Variants in PAK3 observed in about 807,000 individuals in gnomAD.
The protein encoded by PAK3 is p21 (RAC1) activated kinase 3.
A neutral mutation model predicts 41.0 loss-of-function variants in PAK3; 4 were observed. The observed-to-expected ratio is 0.10, with a 90% confidence interval of 0.05 to 0.22. The LOEUF (loss-of-function observed/expected upper bound fraction) is 0.22. PAK3 is among the 10% of genes least tolerant of loss of function. The pLI is 1.00. For missense variants in PAK3, 205 were observed against 409.9 expected (o/e 0.50, Z 4.32); for synonymous variants, 146 against 139.6 (o/e 1.05, Z -0.32).
intron 1 of PAK3, among the ~76,000 whole-genome samples, chrX:111,034,815 T>C (rs1243972015): frequency 9.0e-6 from 1 of 110,995 alleles, no homozygotes; most frequent in Non-Finnish European, 1.9e-5. Flanking sequence ...TTAATAGAAA[T>C]GGTGGCTGGG....
chrX:111,145,621 G>A (rs762334196), intron 6 of PAK3, among the ~76,000 whole-genome samples: 26 of 111,765 alleles, frequency 2.3e-4, no homozygotes, highest in Non-Finnish European at 1.7e-4. Flanking sequence ...ATCTAGCTGC[G>A]TGAAAAATGC....
intron 11 of PAK3, among the ~76,000 whole-genome samples, chrX:111,187,827 T>C (rs767313747): frequency 1.3e-4 from 14 of 109,845 alleles, no homozygotes; most frequent in Non-Finnish European, 2.5e-4. Flanking sequence ...CAATAACTTA[T>C]TGGTCAGAGC....
intron 1 of PAK3, among the ~76,000 whole-genome samples, chrX:111,028,771 T>C (rs1173066184): frequency 8.9e-6 from 1 of 111,886 alleles, no homozygotes; most frequent in Non-Finnish European, 1.9e-5. Context: ...ACTGTTATTA[T>C]CCCCAATATA....
At chrX:111,074,435 G>A (rs1335973209) in intron 1 of PAK3, among the ~76,000 whole-genome samples, 1 of 111,540 alleles carries the variant, frequency 9.0e-6, no homozygotes, top group East Asian at 2.8e-4. Context: ...CTTGCCATGT[G>A]TCATGCATGT....
At chrX:110,978,938 G>A (rs1435699160) in intron 1 of PAK3, among the ~76,000 whole-genome samples, 1 of 111,476 alleles carries the variant, frequency 9.0e-6, no homozygotes, top group Non-Finnish European at 1.9e-5. Context: ...ATTCCTCAGT[G>A]AAAACTTCTG....
Position 111,162,976 on chromosome X carries a change from A to T in PAK3, c.530A>T (p.Glu177Val). ...CCTGTGTCTGAAGAAGAAGATGAAGAGGAAGAAGAAGAAGAAGATGAAAAT... is the reference window on the plus strand; with the variant it reads ...CCTGTGTCTGAAGAAGAAGATGAAGTGGAAGAAGAAGAAGAAGATGAAAAT... ...APPVSEEEDEEEEEEEDENEP... is the reference protein window; with the variant it reads ...APPVSEEEDEVEEEEEDENEP... Residue 177 changes from glutamate (E) to valine (V), a missense_variant, in exon 9 of 18, where the codon GAG becomes GTG. Coordinates refer to ENST00000372007, the MANE Select transcript of PAK3 (RefSeq NM_002578.5). 1 of 1,204,832 alleles carries T rather than the reference A, an allele frequency of 8.3e-7. No individual in the cohort carries two copies. Among genetic ancestry groups the T allele is most frequent in the Non-Finnish European group, 1.1e-6 (1 of 889,308 alleles).
At chrX:111,166,524 T>C (rs2094257460) in intron 10 of PAK3, among the ~76,000 whole-genome samples, 1 of 111,203 alleles carries the variant, frequency 9.0e-6, no homozygotes, top group South Asian at 3.8e-4. Context: ...GGTCTTGAAC[T>C]CCTGAGCTCA....
chrX:111,160,721 G>GT (rs1269881081), intron 8 of PAK3, among the ~76,000 whole-genome samples: 1 of 111,174 alleles, frequency 9.0e-6, no homozygotes, highest in African/African-American at 3.3e-5. Context: ...GTGGTGTTTG[G>GT]TTTTTTGTCC....
chrX:110,969,379 GT>G (rs1440643915), intron 1 of PAK3, among the ~76,000 whole-genome samples: 1 of 105,734 alleles, frequency 9.5e-6, no homozygotes, highest in Non-Finnish European at 1.9e-5. Context: ...TACCGCCCGG[GT>G]TTAAGCGATT....
At chrX:111,204,878 GTT>G (rs1163687252) in intron 16 of PAK3, among the ~76,000 whole-genome samples, 59 of 37,660 alleles carry the variant, frequency 1.6e-3, no homozygotes, top group Middle Eastern at 0.015. Context: ...CCTTTGCTTT[GTT>G]TTTTTTTTTT....
At chrX:111,032,282 C>A (rs1251354438) in intron 1 of PAK3, among the ~76,000 whole-genome samples, 1 of 111,980 alleles carries the variant, frequency 8.9e-6, no homozygotes, top group Non-Finnish European at 1.9e-5. Flanking sequence ...AGCTTGCAAA[C>A]ATTTAGATCA....
At chrX:111,059,213 G>A (rs902517627) in intron 1 of PAK3, among the ~76,000 whole-genome samples, 5 of 104,019 alleles carry the variant, frequency 4.8e-5, no homozygotes, top group African/African-American at 1.4e-4. Context: ...CTTTGTCACC[G>A]AGGCTGGAGT....
At chrX:111,217,197 A>G in intron 17 of PAK3, 1 of 239,701 alleles carries the variant, frequency 4.2e-6, no homozygotes, top group Non-Finnish European at 5.9e-6. Flanking sequence ...GTAAAAGTTG[A>G]GACTCACAGC....
intron 1 of PAK3, among the ~76,000 whole-genome samples, chrX:111,036,987 C>T (rs1244361404): frequency 8.9e-6 from 1 of 111,835 alleles, no homozygotes; most frequent in African/African-American, 3.3e-5. Context: ...CTCTGTCACC[C>T]AGGCAGGAGT....
At chrX:111,005,998 G>T (rs1357778922) in intron 1 of PAK3, among the ~76,000 whole-genome samples, 1 of 111,466 alleles carries the variant, frequency 9.0e-6, no homozygotes, top group African/African-American at 3.3e-5. Flanking sequence ...GCTGACAAGA[G>T]TTCCTATCCC....
intron 1 of PAK3, among the ~76,000 whole-genome samples, chrX:111,026,747 C>A (rs1457733065): frequency 9.0e-6 from 1 of 111,204 alleles, no homozygotes; most frequent in Non-Finnish European, 1.9e-5. Context: ...AAGCAGTGGA[C>A]AAATTCAGTG....
At chrX:110,963,071 A>G (rs1362996174) in intron 1 of PAK3, among the ~76,000 whole-genome samples, 1 of 112,267 alleles carries the variant, frequency 8.9e-6, no homozygotes, top group Non-Finnish European at 1.9e-5. Context: ...CATGGCCTTG[A>G]TGCAGGCACT....
intron 1 of PAK3, among the ~76,000 whole-genome samples, chrX:111,015,232 T>C (rs2092070286): frequency 9.0e-6 from 1 of 110,654 alleles, no homozygotes; most frequent in Non-Finnish European, 1.9e-5. Context: ...CTTTCATTTA[T>C]CATAATGTCC....
chrX:111,086,279 A>G (rs2092882401), intron 1 of PAK3, among the ~76,000 whole-genome samples: 1 of 111,742 alleles, frequency 8.9e-6, no homozygotes, highest in Admixed American at 9.5e-5. Context: ...AAAACAGGAT[A>G]CACTCACCAT....
Sources: allele counts gnomAD v4.1 joint callset (sites outside exome capture counted in the v4.1 genomes callset), GRCh38; gene constraint gnomAD v4.1.1; transcripts MANE v1.5; gene names NCBI Gene and HGNC (gene_info 2026-07-23, HGNC 2026-07-21).